Variants in CASTOR2 observed in about 807,000 individuals in gnomAD.
CASTOR2 encodes the protein cytosolic arginine sensor for mTORC1 subunit 2.
CASTOR2 carries 8 observed loss-of-function variants against 31.2 expected under a neutral mutation model. That is an observed-to-expected ratio of 0.26 (90% CI 0.15 to 0.46). The LOEUF (loss-of-function observed/expected upper bound fraction) is 0.46, where lower values mean the gene tolerates loss of function less well. Ranked by LOEUF, CASTOR2 falls within the 20% of genes least tolerant of loss-of-function variation. CASTOR2 has a pLI of 0.99. For synonymous variants in CASTOR2, 162 were observed against 158.7 expected (o/e 1.02, Z -0.16); for missense variants, 216 against 382.1 (o/e 0.57, Z 3.62).
At position 75,025,067 on chromosome 7, in the gene CASTOR2, G is replaced by A. The variant is rs1805090589; in HGVS notation, c.*368G>A. Among the ~76,000 whole-genome samples the A allele has an allele frequency of 2.6e-5, 4 of 152,256 alleles. No individual in the cohort carries two copies. Among genetic ancestry groups the A allele is most frequent in the Non-Finnish European group, 2.9e-5 (2 of 68,046 alleles). On this transcript the variant is annotated 3_prime_UTR_variant, in exon 9 of 9. Coordinates refer to ENST00000616305, the MANE Select transcript of CASTOR2 (RefSeq NM_001145064.3). ...AAGCCGGTCCCTCCTGCGAGACACC[G>A]GTGTGCCAGCTGTCATGTCACCTTG...
intron 2 of CASTOR2, among the ~76,000 whole-genome samples, chr7:75,010,945 C>T (rs1206214105): frequency 1.3e-5 from 2 of 152,014 alleles, no homozygotes; most frequent in African/African-American, 4.8e-5. Context: ...CTCCATCTCC[C>T]AGGTTCAAGC....
At chr7:75,017,969 G>C in intron 3 of CASTOR2, 21 bp from the exon 4 acceptor site, 1 of 1,614,128 alleles carries the variant, frequency 6.2e-7, no homozygotes, top group East Asian at 2.2e-5. Flanking sequence ...GGCACACACG[G>C]CCTCAACTTC....
chr7:74,978,293 G>A lies in CASTOR2; in HGVS notation c.113+13195G>A, dbSNP rs1160039684. Among the ~76,000 whole-genome samples the A allele has an allele frequency of 7.5e-4, 109 of 146,010 alleles. No individual in the cohort carries two copies. In the East Asian group the frequency reaches 0.013, roughly 18 times the overall value. ...TAATTTTTGCATTTTTAGTAGAGAC[G>A]GGGTTTCATCATGTTGCCCAGGCTG... is the stretch of plus-strand genomic sequence containing the variant. On this transcript the variant is annotated intron_variant, in intron 1 of 8. Coordinates refer to ENST00000616305, the MANE Select transcript of CASTOR2 (RefSeq NM_001145064.3).
intron 1 of CASTOR2, among the ~76,000 whole-genome samples, chr7:74,993,133 G>C (rs1437925563): frequency 6.6e-6 from 1 of 151,954 alleles, no homozygotes; most frequent in Non-Finnish European, 1.5e-5. Context: ...CCAGGAGGGG[G>C]ATGTTGCATG....
rs1178084776 is a variant in CASTOR2, at chr7:75,026,188, G to GTTTTTTTTTTTTTTTTTTTTTTTTTTTTT, written c.*1489_*1490insTTTTTTTTTTTTTTTTTTTTTTTTTTTTT. Among the ~76,000 whole-genome samples the GTTTTTTTTTTTTTTTTTTTTTTTTTTTTT allele has an allele frequency of 5.2e-4, 59 of 113,268 alleles. 7 individuals carry two copies. The highest frequency in any genetic ancestry group is 7.0e-3 in the Middle Eastern group (1 of 142). 74.3% of individuals were successfully genotyped at this position (113,268 alleles called of 152,430 possible). On this transcript the variant is annotated 3_prime_UTR_variant, in exon 9 of 9. Transcript: ENST00000616305. ...CCCCTGTGGTTTTGGCTCTGGCGGGGGTTTTTTTTTTTTTTTTTGAGATGG... is the reference window on the plus strand; with the variant it reads ...CCCCTGTGGTTTTGGCTCTGGCGGGGTTTTTTTTTTTTTTTTTTTTTTTTTTTTTGTTTTTTTTTTTTTTTTTGAGATGG...
At position 75,020,022 on chromosome 7, in the gene CASTOR2, C is replaced by T. The variant is rs1376629029; in HGVS notation, c.636-17C>T. ...GCCACAGGGGCCCCATCTTTACCAGCTGCCTCTGGTCCCCAGAGTGAAGGA... is the reference window on the plus strand; with the variant it reads ...GCCACAGGGGCCCCATCTTTACCAGTTGCCTCTGGTCCCCAGAGTGAAGGA... On this transcript the variant is annotated splice_polypyrimidine_tract_variant and intron_variant, in intron 5 of 8. Transcript: ENST00000616305. The T allele has an allele frequency of 3.9e-6, 6 of 1,549,940 alleles. No homozygotes were observed. Among genetic ancestry groups the T allele is most frequent in the Non-Finnish European group, 5.2e-6 (6 of 1,145,880 alleles).
chr7:75,014,884 G>A (rs1804832678), intron 2 of CASTOR2, among the ~76,000 whole-genome samples: 1 of 152,230 alleles, frequency 6.6e-6, no homozygotes, highest in Non-Finnish European at 1.5e-5. Context: ...TCACCACCTC[G>A]GAGGCTATAT....
intron 2 of CASTOR2, among the ~76,000 whole-genome samples, chr7:75,013,796 C>T (rs1250390325): frequency 6.6e-6 from 1 of 152,158 alleles, no homozygotes; most frequent in East Asian, 1.9e-4. Context: ...GACACAATCT[C>T]TGCTCACTGC....
chr7:74,977,762 G>T (rs1485123945), intron 1 of CASTOR2, among the ~76,000 whole-genome samples: 8 of 150,204 alleles, frequency 5.3e-5, no homozygotes, highest in African/African-American at 2.0e-4. Flanking sequence ...CTCCAGCCTC[G>T]ATTTCTCAGG....
intron 1 of CASTOR2, among the ~76,000 whole-genome samples, chr7:74,990,592 C>T (rs1267836311): frequency 9.2e-5 from 14 of 152,138 alleles, no homozygotes; most frequent in African/African-American, 2.2e-4. Context: ...CGGTGGCTCA[C>T]GCCCATAATC....
At chr7:74,997,384 T>C (rs1804377673) in intron 1 of CASTOR2, among the ~76,000 whole-genome samples, 1 of 151,770 alleles carries the variant, frequency 6.6e-6, no homozygotes, top group Non-Finnish European at 1.5e-5. Flanking sequence ...GCTCAGGAGC[T>C]GTGTAAATAT....
intron 2 of CASTOR2, among the ~76,000 whole-genome samples, chr7:75,013,447 A>C (rs1288897949): frequency 6.6e-6 from 1 of 150,492 alleles, no homozygotes; most frequent in Non-Finnish European, 1.5e-5. Flanking sequence ...GAGTTCAAGC[A>C]GGTTGGGCAA....
rs587643610 is a variant in CASTOR2 at position 75,009,614 on chromosome 7, C to T, written c.184+1550C>T. 5.0e-3 allele frequency among the ~76,000 whole-genome samples: 760 copies of T among 151,382 alleles called. 3 individuals are homozygous for T. The highest frequency in any genetic ancestry group is 0.014 in the Middle Eastern group (4 of 294). On this transcript the variant is annotated intron_variant, in intron 2 of 8. Transcript: ENST00000616305. The stretch of plus-strand genomic sequence containing the variant: ...AAAATTAAAATTAAAATTAAGTGGC[C>T]CCCCCCGCCCCCACCAGGTGGAAAA...
At chr7:74,998,475 C>T (rs1294116523) in intron 1 of CASTOR2, among the ~76,000 whole-genome samples, 13 of 151,932 alleles carry the variant, frequency 8.6e-5, no homozygotes, top group African/African-American at 3.1e-4. Context: ...TGGTGGCACA[C>T]GCCTGTAATC....
intron 1 of CASTOR2, among the ~76,000 whole-genome samples, chr7:75,000,268 C>T (rs1413509827): frequency 1.3e-5 from 2 of 152,146 alleles, no homozygotes; most frequent in African/African-American, 4.8e-5. Flanking sequence ...TTAGCCACAT[C>T]AGTAAAACAT....
chr7:75,023,063 C>T (rs1426822704), intron 7 of CASTOR2, among the ~76,000 whole-genome samples: 17 of 152,296 alleles, frequency 1.1e-4, no homozygotes, highest in African/African-American at 4.1e-4. Flanking sequence ...AATCCCAGCA[C>T]TTTGGGAGGC....
intron 7 of CASTOR2, among the ~76,000 whole-genome samples, 192 bp downstream of exon 7, chr7:75,022,148 C>A (rs1438432341): frequency 6.6e-6 from 1 of 152,180 alleles, no homozygotes; most frequent in Non-Finnish European, 1.5e-5. Flanking sequence ...AAGTGCGGAG[C>A]AGGCTTCAAT....
chr7:74,976,143 T>TA (rs1803803481), intron 1 of CASTOR2, among the ~76,000 whole-genome samples: 1 of 119,072 alleles, frequency 8.4e-6, no homozygotes, highest in Admixed American at 9.3e-5. Context: ...GGTAATTTGT[T>TA]ATGTAGCAAC....
rs374008351 is a variant in CASTOR2 at position 74,986,008 on chromosome 7, A to G, written c.113+20910A>G. Among the ~76,000 whole-genome samples, 328 of 151,826 alleles carry G rather than the reference A, an allele frequency of 2.2e-3. 6 individuals carry two copies. Among genetic ancestry groups the G allele is most frequent in the East Asian group, 0.02 (102 of 5,120 alleles). On this transcript the variant is annotated intron_variant, in intron 1 of 8. Transcript: ENST00000616305. ...AGTGGCATTATCTCGGCTCACTGCAACCTCCACCTTCCCGGTTCAAGCGAT... is the reference window on the plus strand; with the variant it reads ...AGTGGCATTATCTCGGCTCACTGCAGCCTCCACCTTCCCGGTTCAAGCGAT...
Sources: gnomAD v4.1 joint callset for allele counts (sites outside exome capture counted in the v4.1 genomes callset) on GRCh38, gnomAD v4.1.1 for gene constraint, MANE v1.5 for transcripts, NCBI Gene and HGNC (gene_info 2026-07-23, HGNC 2026-07-21) for gene names.